Variants in SORT1 observed in about 807,000 individuals in gnomAD.
SORT1 encodes sortilin.
In SORT1, 39 loss-of-function variants were observed where a neutral mutation model predicts 101.7. That is an observed-to-expected ratio of 0.38 (90% confidence interval 0.30 to 0.50). SORT1 has a LOEUF of 0.50. Ranked by LOEUF, SORT1 falls within the 20% of genes least tolerant of loss-of-function variation. The probability of loss-of-function intolerance (pLI) is 0.90; values close to 1 mark genes in which losing one functional copy is unlikely to be tolerated. For missense variants in SORT1, 878 were observed against 1,040.4 expected (o/e 0.84, Z 2.15); for synonymous variants, 396 against 393.7 (o/e 1.01, Z -0.07).
intron 15 of SORT1, among the ~76,000 whole-genome samples, chr1:109,320,068 G>A (rs866901748): frequency 2.0e-5 from 3 of 152,002 alleles, no homozygotes; most frequent in East Asian, 1.9e-4. Context: ...TGCTGCCCCC[G>A]CCACTGCTTG....
intron 3 of SORT1, among the ~76,000 whole-genome samples, chr1:109,360,105 G>C (rs139292662): frequency 1.3e-5 from 2 of 152,156 alleles, no homozygotes; most frequent in African/African-American, 2.4e-5. Context: ...TTAAAGAGTA[G>C]GTCTTAAGGC....
At chr1:109,314,903 G>T in intron 17 of SORT1, 125 bp from the exon 18 acceptor site, 1 of 570,538 alleles carries the variant, frequency 1.8e-6, no homozygotes, top group Non-Finnish European at 3.2e-6. Context: ...GCTTAATGAT[G>T]GCTCTTTTCC....
chr1:109,319,491 G>T (rs929040779), intron 15 of SORT1, among the ~76,000 whole-genome samples: 8 of 152,148 alleles, frequency 5.3e-5, no homozygotes, highest in African/African-American at 1.7e-4. Context: ...TTTCTCAAAA[G>T]AATATTTTTT....
intron 1 of SORT1, 101 bp downstream of exon 1, chr1:109,397,486 G>A (rs1472947563): frequency 1.2e-6 from 1 of 823,520 alleles, no homozygotes; most frequent in Middle Eastern, 5.5e-4. Context: ...GGGCGCGGCA[G>A]GGCTGGGGTC....
At chr1:109,352,451 G>T (rs1650032733) in intron 5 of SORT1, among the ~76,000 whole-genome samples, 3 of 152,156 alleles carry the variant, frequency 2.0e-5, no homozygotes, top group Admixed American at 2.0e-4. Context: ...ATGTAGCAGA[G>T]ACTTAACAAA....
At chr1:109,359,584 C>T (rs58508396) in intron 3 of SORT1, among the ~76,000 whole-genome samples, 3,800 of 152,240 alleles carry the variant, frequency 0.025, 163 homozygotes, top group African/African-American at 0.087. Flanking sequence ...ACTGCAACCT[C>T]TGTCTCCCAG....
At chr1:109,345,037 A>G (rs374141584) in intron 8 of SORT1, among the ~76,000 whole-genome samples, 6 of 152,128 alleles carry the variant, frequency 3.9e-5, no homozygotes, top group Admixed American at 1.3e-4. Flanking sequence ...CCCCTTAAAC[A>G]TAAGTTCTGA....
intron 14 of SORT1, 29 bp downstream of exon 14, chr1:109,324,870 T>A: frequency 6.8e-7 from 1 of 1,464,480 alleles, no homozygotes; most frequent in Non-Finnish European, 9.3e-7. Flanking sequence ...TGGAAGTTTC[T>A]GGTAGAAAAG....
At chr1:109,361,699 C>A (rs1000022847) in intron 3 of SORT1, among the ~76,000 whole-genome samples, 3 of 152,172 alleles carry the variant, frequency 2.0e-5, no homozygotes, top group African/African-American at 7.2e-5. Context: ...ATTGAGAAAG[C>A]TTATACAATC....
chr1:109,328,113 A>C (rs1015066719), intron 11 of SORT1, among the ~76,000 whole-genome samples: 1 of 152,050 alleles, frequency 6.6e-6, no homozygotes, highest in Non-Finnish European at 1.5e-5. Flanking sequence ...ATCCACACAC[A>C]CCCCACACTT....
intron 1 of SORT1, among the ~76,000 whole-genome samples, chr1:109,379,297 T>G (rs1241480242): frequency 6.6e-6 from 1 of 150,894 alleles, no homozygotes; most frequent in Admixed American, 6.6e-5. Flanking sequence ...CAATAGCTAA[T>G]TAGCTAAAAA....
At chr1:109,341,569 TC>T (rs1649226189) in intron 9 of SORT1, among the ~76,000 whole-genome samples, 1 of 152,118 alleles carries the variant, frequency 6.6e-6, no homozygotes, top group South Asian at 2.1e-4. Flanking sequence ...CATGACGGTC[TC>T]GATCTCCTGA....
intron 1 of SORT1, among the ~76,000 whole-genome samples, chr1:109,380,477 A>T (rs1478254114): frequency 6.6e-6 from 1 of 152,190 alleles, no homozygotes; most frequent in Non-Finnish European, 1.5e-5. Flanking sequence ...GTAACATGAC[A>T]AAGTATTAAT....
intron 9 of SORT1, 76 bp downstream of exon 9, chr1:109,341,938 T>C: frequency 7.2e-7 from 1 of 1,396,814 alleles, no homozygotes; most frequent in Non-Finnish European, 1.0e-6. Flanking sequence ...AGAGGAAAAC[T>C]CGACATGTAA....
rs200003871 is a variant in SORT1 at position 109,327,576 on chromosome 1, T to C, written c.1397A>G (p.Tyr466Cys). ...NECSLHIHASYSISQKLNVPM... is the reference protein window; with the variant it reads ...NECSLHIHASCSISQKLNVPM... ...AACATTCAGTTTCTGGGAGATGCTG[T>C]AGGAAGCATGAATATGAAGGCTGCA... The change falls in exon 12 of 20, where the codon TAC becomes TGC. Residue 466 changes from tyrosine (Y) to cysteine (C), a missense_variant. By Grantham distance (194) the Tyr-to-Cys change is radical. Coordinates refer to ENST00000256637, the MANE Select transcript of SORT1 (RefSeq NM_002959.7). The C allele has an allele frequency of 6.2e-7, 1 of 1,609,104 alleles. No individual in the cohort carries two copies. The highest frequency in any genetic ancestry group is 8.5e-7 in the Non-Finnish European group (1 of 1,177,912).
intron 1 of SORT1, among the ~76,000 whole-genome samples, chr1:109,373,294 C>T (rs1182297724): frequency 6.6e-6 from 1 of 152,048 alleles, no homozygotes; most frequent in Non-Finnish European, 1.5e-5. Flanking sequence ...GCTGATATAT[C>T]GTCTGGGGAG....
chr1:109,390,752 AGTGTGTGTGTGTGTGTGTATGTGTGTGT>A (rs1394259906), intron 1 of SORT1, among the ~76,000 whole-genome samples: 3 of 144,428 alleles, frequency 2.1e-5, no homozygotes, highest in African/African-American at 8.2e-5. Context: ...AATATTAGAA[AGTGTGTGTGTGTGTGTGTATGTGTGTGT>A]GTGTGTGTGT....
chr1:109,376,579 T>A (rs1249837894), intron 1 of SORT1, among the ~76,000 whole-genome samples: 1 of 152,130 alleles, frequency 6.6e-6, no homozygotes, highest in Non-Finnish European at 1.5e-5. Flanking sequence ...ATGAATGATA[T>A]CATGTCCCTT....
chr1:109,374,643 G>T (rs1651703985), intron 1 of SORT1, among the ~76,000 whole-genome samples: 1 of 151,590 alleles, frequency 6.6e-6, no homozygotes, highest in South Asian at 2.1e-4. Flanking sequence ...TTGTAGAAAT[G>T]AGTATTACAA....
Sources: gnomAD v4.1 joint callset for allele counts (sites outside exome capture counted in the v4.1 genomes callset) on GRCh38, gnomAD v4.1.1 for gene constraint, MANE v1.5 for transcripts, NCBI Gene and HGNC (gene_info 2026-07-23, HGNC 2026-07-21) for gene names.